Variants in NTNG1 observed in about 807,000 individuals in gnomAD.
The protein encoded by NTNG1 is netrin G1.
NTNG1 carries 16 observed loss-of-function variants against 54.0 expected under a neutral mutation model. That is an observed-to-expected ratio of 0.30 (90% CI 0.20 to 0.45). NTNG1 has a LOEUF of 0.45. Ranked by LOEUF, NTNG1 falls within the 20% of genes least tolerant of loss-of-function variation. The pLI is 1.00. For missense variants in NTNG1, 530 were observed against 678.7 expected, an observed-to-expected ratio of 0.78 and a Z score of 2.43; for synonymous variants, 255 against 263.1, an observed-to-expected ratio of 0.97 and a Z score of 0.30.
At chr1:107,455,224 C>T (rs568590136) in intron 7 of NTNG1, among the ~76,000 whole-genome samples, 1 of 152,130 alleles carries the variant, frequency 6.6e-6, no homozygotes. Flanking sequence ...CCACCATGCC[C>T]GGCTAATTTT....
chr1:107,231,146 G>GA (rs2101530364), intron 2 of NTNG1, among the ~76,000 whole-genome samples: 1 of 152,314 alleles, frequency 6.6e-6, no homozygotes, highest in South Asian at 2.1e-4. Flanking sequence ...TTTACGCAGA[G>GA]ATGATTCATG....
At chr1:107,225,118 G>A (rs1224403928) in intron 2 of NTNG1, among the ~76,000 whole-genome samples, 1 of 152,114 alleles carries the variant, frequency 6.6e-6, no homozygotes, top group African/African-American at 2.4e-5. Flanking sequence ...CATAAAACAA[G>A]TGTGTTCCAA....
At chr1:107,430,191 C>CA (rs1675170268) in intron 5 of NTNG1, among the ~76,000 whole-genome samples, 4 of 152,004 alleles carry the variant, frequency 2.6e-5, no homozygotes, top group Non-Finnish European at 5.9e-5. Context: ...TGGGGAAAAA[C>CA]AAAAATAAAG....
At chr1:107,345,092 AAG>A (rs1669133540) in intron 3 of NTNG1, among the ~76,000 whole-genome samples, 1 of 152,158 alleles carries the variant, frequency 6.6e-6, no homozygotes, top group African/African-American at 2.4e-5. Context: ...CAATAATTCC[AAG>A]AGAGACTAGG....
intron 3 of NTNG1, among the ~76,000 whole-genome samples, chr1:107,331,288 A>T (rs1051775682): frequency 6.6e-6 from 1 of 152,004 alleles, no homozygotes; most frequent in Non-Finnish European, 1.5e-5. Flanking sequence ...AATAGCAACA[A>T]TGAATCAATA....
chr1:107,323,486 G>A (rs768899525), intron 2 of NTNG1, among the ~76,000 whole-genome samples: 3 of 152,150 alleles, frequency 2.0e-5, no homozygotes, highest in Non-Finnish European at 2.9e-5. Flanking sequence ...AGAACTGCCT[G>A]TGGGCAGGCA....
At chr1:107,209,650 G>A (rs1413873998) in intron 2 of NTNG1, among the ~76,000 whole-genome samples, 1 of 152,092 alleles carries the variant, frequency 6.6e-6, no homozygotes, top group Non-Finnish European at 1.5e-5. Flanking sequence ...ACCTTAGTTG[G>A]GCCAATTGAA....
chr1:107,466,389 G>A lies in NTNG1; in HGVS notation c.1391-14222G>A, dbSNP rs74110918. 5.5e-3 allele frequency among the ~76,000 whole-genome samples: 838 copies of A among 152,234 alleles called. 10 individuals are homozygous for A. The highest frequency in any genetic ancestry group is 0.02 in the African/African-American group (812 of 41,528). Reference sequence around the variant, plus strand: ...CACTCAAAATACTCATATTCATTGAGTACAGTTTGTTCTCAAGCACTGTTC... The same window carrying A: ...CACTCAAAATACTCATATTCATTGAATACAGTTTGTTCTCAAGCACTGTTC... On this transcript the variant is annotated intron_variant, in intron 7 of 7. Coordinates refer to ENST00000370068, the MANE Select transcript of NTNG1 (RefSeq NM_001113226.3).
rs373261461 is a variant in NTNG1 at position 107,350,138 on chromosome 1, A to T, written c.887+25216A>T. On this transcript the variant is annotated intron_variant, in intron 3 of 7. Transcript: ENST00000370068. ...AGTTGTGGTTCTGATTAATAATCTC[A>T]TTACTGATGAAGATAGAAGCTCTAA... Among the ~76,000 whole-genome samples, 609 of 152,236 alleles carry T rather than the reference A, an allele frequency of 4.0e-3. 6 individuals are homozygous for T. The highest frequency in any genetic ancestry group is 0.014 in the African/African-American group (571 of 41,552).
intron 2 of NTNG1, among the ~76,000 whole-genome samples, chr1:107,279,181 A>T (rs1030859244): frequency 2.6e-5 from 4 of 152,116 alleles, no homozygotes; most frequent in Admixed American, 2.0e-4. Context: ...ATTTAAAATG[A>T]CCTCAAATTG....
At chr1:107,445,624 G>A (rs941816950) in intron 7 of NTNG1, among the ~76,000 whole-genome samples, 4 of 152,010 alleles carry the variant, frequency 2.6e-5, no homozygotes, top group African/African-American at 7.2e-5. Context: ...TAATCAAATG[G>A]CATTTTATAG....
intron 2 of NTNG1, among the ~76,000 whole-genome samples, chr1:107,158,332 C>CT (rs1655153636): frequency 6.6e-6 from 1 of 152,090 alleles, no homozygotes; most frequent in Admixed American, 6.6e-5. Context: ...TTGTAAATTT[C>CT]TTTTCACCTT....
chr1:107,480,583 C>CCCCCCCCCAAAA, intron 7 of NTNG1, 28 bp from the exon 8 acceptor site: 1 of 744,746 alleles, frequency 1.3e-6, no homozygotes, highest in Non-Finnish European at 2.3e-6. Context: ...CGCGCCCACC[C>CCCCCCCCCAAAA]ACCCCTACCT....
chr1:107,221,528 C>T (rs917000497), intron 2 of NTNG1, among the ~76,000 whole-genome samples: 1 of 152,082 alleles, frequency 6.6e-6, no homozygotes, highest in Non-Finnish European at 1.5e-5. Flanking sequence ...CCTGACATTT[C>T]CTACCAAAAT....
At chr1:107,316,509 C>T (rs914959630) in intron 2 of NTNG1, among the ~76,000 whole-genome samples, 1 of 152,186 alleles carries the variant, frequency 6.6e-6, no homozygotes, top group Non-Finnish European at 1.5e-5. Context: ...TGGGTTTGAG[C>T]ACATACCTCC....
At chr1:107,428,649 G>T (rs963835531) in intron 5 of NTNG1, among the ~76,000 whole-genome samples, 3 of 152,072 alleles carry the variant, frequency 2.0e-5, no homozygotes, top group African/African-American at 7.2e-5. Flanking sequence ...AAGTCCTTGG[G>T]AAGCAATTAG....
At chr1:107,339,429 T>C (rs1318402222) in intron 3 of NTNG1, among the ~76,000 whole-genome samples, 1 of 152,098 alleles carries the variant, frequency 6.6e-6, no homozygotes, top group Non-Finnish European at 1.5e-5. Flanking sequence ...CTATAATGTA[T>C]AACATACACT....
At chr1:107,223,105 T>C (rs974236651) in intron 2 of NTNG1, among the ~76,000 whole-genome samples, 4 of 152,094 alleles carry the variant, frequency 2.6e-5, no homozygotes, top group African/African-American at 9.7e-5. Context: ...AGGTCTGTGG[T>C]GGAATATGCA....
intron 2 of NTNG1, among the ~76,000 whole-genome samples, chr1:107,232,641 A>G (rs901825175): frequency 6.6e-6 from 1 of 152,154 alleles, no homozygotes; most frequent in Non-Finnish European, 1.5e-5. Flanking sequence ...GAGATATTAT[A>G]TTTGTATAGT....
Sources: gnomAD v4.1 joint callset for allele counts (sites outside exome capture counted in the v4.1 genomes callset) on GRCh38, gnomAD v4.1.1 for gene constraint, MANE v1.5 for transcripts, NCBI Gene and HGNC (gene_info 2026-07-23, HGNC 2026-07-21) for gene names.